The following FLI1 variants were observed in gnomAD, a reference collection of about 807,000 sequenced individuals.
FLI1 encodes Friend leukemia integration 1 transcription factor.
Under a neutral mutation model 53.1 loss-of-function variants are expected in FLI1, and 13 were observed. The ratio of observed to expected loss-of-function variants is 0.24; its 90% CI spans 0.16 to 0.39. The LOEUF is 0.39. Ranked by LOEUF, FLI1 falls within the 10% of genes least tolerant of loss-of-function variation. The pLI, the probability that FLI1 is intolerant of heterozygous loss-of-function variation, is 1.00. For missense variants in FLI1, 424 were observed against 600.5 expected, an observed-to-expected ratio of 0.71 and a Z score of 3.07; for synonymous variants, 244 against 236.7, an observed-to-expected ratio of 1.03 and a Z score of -0.28.
chr11:128,690,047 T>A (rs1937672303), upstream of FLI1, among the ~76,000 whole-genome samples: 1 of 152,178 alleles, frequency 6.6e-6, no homozygotes, highest in African/African-American at 2.4e-5. Flanking sequence ...TGCAGAAATA[T>A]TCCCCGGCAT....
chr11:128,715,153 C>A (rs1157029486), intron 1 of FLI1, among the ~76,000 whole-genome samples: 1 of 152,144 alleles, frequency 6.6e-6, no homozygotes, highest in African/African-American at 2.4e-5. Flanking sequence ...CTGTCTGATA[C>A]CAAAGACTTT....
At chr11:128,728,484 C>T (rs935981565) in intron 1 of FLI1, among the ~76,000 whole-genome samples, 7 of 152,256 alleles carry the variant, frequency 4.6e-5, no homozygotes, top group East Asian at 1.9e-4. Flanking sequence ...TGCGTGTTGA[C>T]GCTTGGACAC....
At chr11:128,762,207 T>C (rs1000815349) in intron 2 of FLI1, among the ~76,000 whole-genome samples, 2 of 152,232 alleles carry the variant, frequency 1.3e-5, no homozygotes, top group African/African-American at 2.4e-5. Context: ...GCTTCTCCTA[T>C]CCTCTGAGTA....
chr11:128,765,165 C>T (rs1941288435), intron 2 of FLI1, among the ~76,000 whole-genome samples: 1 of 152,210 alleles, frequency 6.6e-6, no homozygotes, highest in African/African-American at 2.4e-5. Context: ...AGAGAGCCCC[C>T]TCCTCCTCTG....
chr11:128,788,343 C>A (rs1321356385), intron 5 of FLI1, among the ~76,000 whole-genome samples: 1 of 151,994 alleles, frequency 6.6e-6, no homozygotes, highest in Non-Finnish European at 1.5e-5. Flanking sequence ...GTGGCATGTG[C>A]CTGTAGTCCC....
chr11:128,811,782 C>T lies in FLI1; in HGVS notation c.*794C>T, dbSNP rs1360228357. 9.9e-6 allele frequency: 2 copies of T among 201,542 alleles called. No individual in the cohort carries two copies. Among genetic ancestry groups the T allele is most frequent in the African/African-American group, 2.3e-5 (1 of 43,238 alleles). 12.5% of individuals were successfully genotyped at this position (201,542 alleles called of 1,614,324 possible). On this transcript the variant is annotated 3_prime_UTR_variant, in exon 9 of 9. Coordinates refer to ENST00000527786, the MANE Select transcript of FLI1 (RefSeq NM_002017.5). ...CTCAAGCAGATTCGCAAGTGCTGTGCGCTTGTCAGACCATCAGACCAGGGC... is the reference window on the plus strand; with the variant it reads ...CTCAAGCAGATTCGCAAGTGCTGTGTGCTTGTCAGACCATCAGACCAGGGC...
chr11:128,738,719 G>C (rs529072610), intron 1 of FLI1, among the ~76,000 whole-genome samples: 1 of 152,300 alleles, frequency 6.6e-6, no homozygotes, highest in South Asian at 2.1e-4. Context: ...CAATGACTAA[G>C]AGCGCTTTGG....
intron 1 of FLI1, among the ~76,000 whole-genome samples, chr11:128,729,150 A>G (rs1314528968): frequency 6.6e-6 from 1 of 152,242 alleles, no homozygotes; most frequent in Non-Finnish European, 1.5e-5. Flanking sequence ...GGCAACACAA[A>G]GGACTCCCAG....
chr11:128,794,158 G>A (rs1390180015), intron 5 of FLI1, among the ~76,000 whole-genome samples: 1 of 152,242 alleles, frequency 6.6e-6, no homozygotes, highest in East Asian at 1.9e-4. Context: ...TGCAGATGCA[G>A]TTGGCCTTGC....
chr11:128,726,937 G>C (rs10893913), intron 1 of FLI1, among the ~76,000 whole-genome samples: 13 of 152,054 alleles, frequency 8.5e-5, no homozygotes, highest in Middle Eastern at 6.8e-3. Context: ...TGGGGCAGAG[G>C]GGGGAAGAGG....
intron 5 of FLI1, among the ~76,000 whole-genome samples, chr11:128,799,052 A>ATTTTTT (rs199725753): frequency 1.4e-5 from 2 of 140,444 alleles, no homozygotes; most frequent in African/African-American, 5.2e-5. Flanking sequence ...TATTATTATT[A>ATTTTTT]TTTTGCTTTG....
At chr11:128,761,027 G>A (rs1327767838) in intron 2 of FLI1, among the ~76,000 whole-genome samples, 1 of 152,158 alleles carries the variant, frequency 6.6e-6, no homozygotes, top group Admixed American at 6.5e-5. Flanking sequence ...TAATCCTCTT[G>A]CTCAAAACTC....
intron 5 of FLI1, among the ~76,000 whole-genome samples, chr11:128,788,032 G>A (rs1306920737): frequency 2.0e-5 from 3 of 151,180 alleles, no homozygotes; most frequent in Non-Finnish European, 4.4e-5. Flanking sequence ...GGATGGTCTC[G>A]ACCTCCTGAC....
chr11:128,723,981 C>T (rs373825012), intron 1 of FLI1, among the ~76,000 whole-genome samples: 148 of 112,916 alleles, frequency 1.3e-3, no homozygotes, highest in African/African-American at 4.7e-3. Flanking sequence ...TCACTCTTGT[C>T]GCTCAGGCTG....
At chr11:128,773,910 A>T (rs1253611547) in intron 4 of FLI1, among the ~76,000 whole-genome samples, 2 of 152,040 alleles carry the variant, frequency 1.3e-5, no homozygotes, top group Non-Finnish European at 2.9e-5. Context: ...AAGACAGGGC[A>T]GCCTTGAGAT....
chr11:128,772,553 G>A (rs1286708412), intron 3 of FLI1, among the ~76,000 whole-genome samples: 2 of 152,210 alleles, frequency 1.3e-5, no homozygotes, highest in East Asian at 3.8e-4. Flanking sequence ...TGCTCTGTCA[G>A]GATACGTAGT....
intron 1 of FLI1, among the ~76,000 whole-genome samples, chr11:128,702,581 G>A (rs1180378696): frequency 6.6e-6 from 1 of 152,188 alleles, no homozygotes; most frequent in Non-Finnish European, 1.5e-5. Context: ...TTAACATGGG[G>A]CCAGGCACGG....
chr11:128,809,078 C>A (rs1362115189), intron 7 of FLI1, 79 bp from the exon 8 acceptor site: 1 of 1,162,246 alleles, frequency 8.6e-7, no homozygotes, highest in East Asian at 2.4e-5. Flanking sequence ...AGTATAAACC[C>A]TTATGGTTTT....
chr11:128,766,077 T>A (rs924104847), intron 2 of FLI1, among the ~76,000 whole-genome samples: 35 of 152,050 alleles, frequency 2.3e-4, no homozygotes, highest in African/African-American at 8.5e-4. Context: ...GTGTTCTGTG[T>A]TGGAGTGTGT....
Sources: gnomAD v4.1 joint callset for allele counts (sites outside exome capture counted in the v4.1 genomes callset) on GRCh38, gnomAD v4.1.1 for gene constraint, MANE v1.5 for transcripts, NCBI Gene and HGNC (gene_info 2026-07-23, HGNC 2026-07-21) for gene names.